The following TPST1 variants were observed in gnomAD, a reference collection of about 807,000 sequenced individuals.
The protein encoded by TPST1 is protein-tyrosine sulfotransferase 1.
A neutral mutation model predicts 34.8 loss-of-function variants in TPST1; 20 were observed. The ratio of observed to expected loss-of-function variants is 0.57; its 90% CI spans 0.40 to 0.84. The LOEUF (loss-of-function observed/expected upper bound fraction) is 0.84, where lower values mean the gene tolerates loss of function less well. TPST1 is among the 40% of genes least tolerant of loss of function. The pLI is 0.00. For missense variants in TPST1, 353 were observed against 455.5 expected (o/e 0.78, Z 2.05); for synonymous variants, 152 against 159.4 (o/e 0.95, Z 0.35).
intron 2 of TPST1, among the ~76,000 whole-genome samples, chr7:66,244,175 G>T (rs1231473997): frequency 2.6e-5 from 4 of 151,876 alleles, no homozygotes; most frequent in Middle Eastern, 3.4e-3. Flanking sequence ...GGATGGTCTC[G>T]ATCTCCTGAC....
At chr7:66,198,880 T>G in the TPST1 span, among the ~76,000 whole-genome samples, 1 of 152,206 alleles carries the variant, frequency 6.6e-6, no homozygotes, top group Non-Finnish European at 1.5e-5. Flanking sequence ...CTTTCTGCCT[T>G]AAATCCCTGT....
At chr7:66,268,460 A>G (rs1167055300) in intron 2 of TPST1, among the ~76,000 whole-genome samples, 1 of 152,194 alleles carries the variant, frequency 6.6e-6, no homozygotes, top group Non-Finnish European at 1.5e-5. Flanking sequence ...AGATCCAAAC[A>G]TATCGGAATT....
chr7:66,312,816 G>A (rs901577403), intron 3 of TPST1, among the ~76,000 whole-genome samples: 4 of 152,176 alleles, frequency 2.6e-5, no homozygotes, highest in South Asian at 2.1e-4. Context: ...ATTGATAGAT[G>A]AGAGAAAATG....
upstream of TPST1, among the ~76,000 whole-genome samples, chr7:66,203,992 C>T (rs1336757471): frequency 1.3e-5 from 2 of 151,970 alleles, no homozygotes; most frequent in Non-Finnish European, 2.9e-5. Flanking sequence ...GCCTGGGCAA[C>T]TTGATGAAAC....
At chr7:66,223,569 A>T (rs1789589432) in intron 1 of TPST1, among the ~76,000 whole-genome samples, 1 of 152,072 alleles carries the variant, frequency 6.6e-6, no homozygotes, top group Non-Finnish European at 1.5e-5. Context: ...TTTGTTCCTC[A>T]TCATGGGTGG....
At chr7:66,286,820 T>A (rs201223333) in intron 3 of TPST1, 111 bp downstream of exon 3, 8,267 of 401,200 alleles carry the variant, frequency 0.021, 278 homozygotes, top group East Asian at 0.14. Context: ...AAAATATATT[T>A]TTTTTTTTTT....
At chr7:66,328,468 T>C (rs1791916852) in intron 3 of TPST1, among the ~76,000 whole-genome samples, 1 of 152,126 alleles carries the variant, frequency 6.6e-6, no homozygotes, top group African/African-American at 2.4e-5. Flanking sequence ...CCTAAAATAT[T>C]TACCCTGGCC....
intron 3 of TPST1, among the ~76,000 whole-genome samples, chr7:66,320,098 A>G (rs1249300068): frequency 6.6e-6 from 1 of 152,120 alleles, no homozygotes; most frequent in Admixed American, 6.6e-5. Context: ...GAGACATTCC[A>G]CAATTCCCAA....
intron 2 of TPST1, among the ~76,000 whole-genome samples, chr7:66,279,846 A>C (rs1407228615): frequency 6.6e-6 from 1 of 152,252 alleles, no homozygotes; most frequent in African/African-American, 2.4e-5. Flanking sequence ...AATGCTATCT[A>C]TCAAGCTTCA....
At chr7:66,264,670 C>T (rs774488545) in intron 2 of TPST1, among the ~76,000 whole-genome samples, 1 of 151,954 alleles carries the variant, frequency 6.6e-6, no homozygotes, top group Non-Finnish European at 1.5e-5. Flanking sequence ...TAAGCAGCAA[C>T]AAAAAATTCT....
intron 1 of TPST1, among the ~76,000 whole-genome samples, chr7:66,220,869 A>G (rs1196665295): frequency 2.6e-5 from 4 of 152,216 alleles, no homozygotes; most frequent in Non-Finnish European, 4.4e-5. Flanking sequence ...GCGGTGGCTA[A>G]CACCTGTAAT....
chr7:66,219,857 G>A (rs1257173480), intron 1 of TPST1, among the ~76,000 whole-genome samples: 2 of 152,050 alleles, frequency 1.3e-5, no homozygotes, highest in African/African-American at 4.8e-5. Context: ...TATTCCTTCT[G>A]GGCCTCAGTT....
chr7:66,324,466 G>GA (rs1445649118), intron 3 of TPST1, among the ~76,000 whole-genome samples: 15 of 151,024 alleles, frequency 9.9e-5, no homozygotes, highest in African/African-American at 2.4e-4. Context: ...CTTAAAATGG[G>GA]GAAAAAAAAG....
chr7:66,307,490 A>T (rs911027839), intron 3 of TPST1, among the ~76,000 whole-genome samples: 1 of 151,988 alleles, frequency 6.6e-6, no homozygotes, highest in Admixed American at 6.6e-5. Context: ...GGTGAATAAG[A>T]TATTTTGTAA....
At chr7:66,299,299 G>GTTT (rs35066356) in intron 3 of TPST1, among the ~76,000 whole-genome samples, 6 of 124,288 alleles carry the variant, frequency 4.8e-5, no homozygotes, top group African/African-American at 1.5e-4. Flanking sequence ...ATGCTCTTAG[G>GTTT]TTTTTTTTTT....
chr7:66,304,537 T>C (rs1368329749), intron 3 of TPST1, among the ~76,000 whole-genome samples: 1 of 152,244 alleles, frequency 6.6e-6, no homozygotes, highest in Non-Finnish European at 1.5e-5. Context: ...GTGGTGCCAG[T>C]TGACCATCCA....
intron 2 of TPST1, among the ~76,000 whole-genome samples, chr7:66,253,047 A>T (rs921394702): frequency 6.6e-6 from 1 of 152,202 alleles, no homozygotes; most frequent in South Asian, 2.1e-4. Flanking sequence ...TCAGGGGGGA[A>T]AAATTCCACA....
intron 1 of TPST1, among the ~76,000 whole-genome samples, chr7:66,212,824 T>G (rs1469878761): frequency 6.6e-6 from 1 of 152,220 alleles, no homozygotes; most frequent in African/African-American, 2.4e-5. Context: ...TCTTTGTTTT[T>G]TCTTAAGATT....
chr7:66,235,106 C>G (rs1345469159), intron 1 of TPST1, among the ~76,000 whole-genome samples: 1 of 151,954 alleles, frequency 6.6e-6, no homozygotes, highest in Admixed American at 6.5e-5. Context: ...TTCTTTCTAC[C>G]TGGCTCCTTT....
Sources: gnomAD v4.1 joint callset for allele counts (sites outside exome capture counted in the v4.1 genomes callset) on GRCh38, gnomAD v4.1.1 for gene constraint, MANE v1.5 for transcripts, NCBI Gene and HGNC (gene_info 2026-07-23, HGNC 2026-07-21) for gene names.